The following ZNF184 variants were observed in gnomAD, a reference collection of about 807,000 sequenced individuals.
ZNF184 encodes zinc finger protein 184.
In ZNF184, 16 loss-of-function variants were observed where a neutral mutation model predicts 54.4. The ratio of observed to expected loss-of-function variants is 0.29; its 90% CI spans 0.20 to 0.45. The LOEUF is 0.45. Among genes scored for constraint, ZNF184 ranks in the 20% least tolerant of loss-of-function variants. ZNF184 has a pLI of 1.00. For synonymous variants in ZNF184, 254 were observed against 295.3 expected, an observed-to-expected ratio of 0.86 and a Z score of 1.43; for missense variants, 681 against 888.2, an observed-to-expected ratio of 0.77 and a Z score of 2.97.
chr6:27,451,783 C>T lies in ZNF184; in HGVS notation c.1776G>A (p.Gly592=), dbSNP rs747180995. The change falls in exon 6 of 6, where the codon GGG becomes GGA. Residue 592 remains glycine (G), a synonymous_variant. Transcript: ENST00000683788. ...GGTGTATGTTCTGGTTGAATGCTCT[C>T]CCACACTCATTACACTTGTAAGGTC... ...GERPYKCNEC[G]RAFNQNIHLT... The T allele has an allele frequency of 2.2e-5, 35 of 1,613,826 alleles. No individual in the cohort carries two copies. The highest frequency in any genetic ancestry group is 3.0e-5 in the Non-Finnish European group (35 of 1,179,994).
chr6:27,457,076 C>T (rs569716017), intron 4 of ZNF184, among the ~76,000 whole-genome samples, 155 bp from the exon 5 acceptor site: 5 of 152,102 alleles, frequency 3.3e-5, no homozygotes, highest in African/African-American at 1.2e-4. Context: ...AGTTCCCAGA[C>T]ATGGTGGGAG....
At chr6:27,422,139 TCAAAAAAAAA>T in the ZNF184 span, among the ~76,000 whole-genome samples, 2 of 9,640 alleles carry the variant, frequency 2.1e-4, no homozygotes, top group African/African-American at 2.0e-3. Flanking sequence ...AGGCCGTACC[TCAAAAAAAAA>T]AAGAAAGAAA....
rs752323107 is a variant in ZNF184, at chr6:27,453,042, T to C, written c.517A>G (p.Ser173Gly). The C allele has an allele frequency of 6.2e-7, 1 of 1,614,098 alleles. No individual in the cohort carries two copies. The highest frequency in any genetic ancestry group is 1.7e-5 in the Admixed American group (1 of 60,018). The change falls in exon 6 of 6, where the codon AGT becomes GGT. Residue 173 changes from serine to glycine, a missense_variant. Coordinates refer to ENST00000683788, the MANE Select transcript of ZNF184 (RefSeq NM_001318891.2). The surrounding 1 kb of genome is among the most constrained non-coding windows in gnomAD (Gnocchi z 4.7). Reference sequence around the variant, plus strand: ...TTATTTACAGGGCCTTTTTCCCAACTGGGTATTGTCTTTTCGGTTACCTTT... The same window carrying C: ...TTATTTACAGGGCCTTTTTCCCAACCGGGTATTGTCTTTTCGGTTACCTTT... Reference protein sequence around the residue: ...EIKVTEKTIPSWEKGPVNNEF... With the variant: ...EIKVTEKTIPGWEKGPVNNEF...
the ZNF184 span, among the ~76,000 whole-genome samples, chr6:27,441,203 T>C: frequency 6.6e-6 from 1 of 152,078 alleles, no homozygotes; most frequent in Non-Finnish European, 1.5e-5. Flanking sequence ...CTGAAGCAAG[T>C]CAGAACAGAA....
At chr6:27,441,771 CT>C in the ZNF184 span, among the ~76,000 whole-genome samples, 1 of 152,292 alleles carries the variant, frequency 6.6e-6, no homozygotes, top group African/African-American at 2.4e-5. Context: ...AATTGATAGG[CT>C]GATTCACATT....
the ZNF184 span, among the ~76,000 whole-genome samples, chr6:27,418,782 C>A: frequency 6.6e-6 from 1 of 152,110 alleles, no homozygotes. Context: ...GCTCCACATT[C>A]TCTTCACAGT....
the ZNF184 span, among the ~76,000 whole-genome samples, chr6:27,432,925 C>T: frequency 1.3e-5 from 2 of 152,202 alleles, no homozygotes; most frequent in African/African-American, 4.8e-5. The surrounding 1 kb of genome is among the most constrained non-coding windows in gnomAD (Gnocchi z 4.0). Flanking sequence ...ACCCAGCCAC[C>T]ATAACGTGAG....
the ZNF184 span, among the ~76,000 whole-genome samples, chr6:27,422,148 A>AAAAGAAAGAAAAAG: frequency 2.3e-5 from 1 of 43,456 alleles, no homozygotes; most frequent in Non-Finnish European, 4.3e-5. Flanking sequence ...CTCAAAAAAA[A>AAAAGAAAGAAAAAG]AAAGAAAGAA....
At chr6:27,428,517 T>C in the ZNF184 span, among the ~76,000 whole-genome samples, 1 of 152,232 alleles carries the variant, frequency 6.6e-6, no homozygotes, top group African/African-American at 2.4e-5. This position sits in a 1 kb window ranked among gnomAD's most constrained non-coding sequence, Gnocchi z 4.1. Flanking sequence ...ACATGTCTGC[T>C]GAATCTCTGT....
At chr6:27,437,039 C>G in the ZNF184 span, among the ~76,000 whole-genome samples, 4 of 152,072 alleles carry the variant, frequency 2.6e-5, no homozygotes, top group Admixed American at 2.6e-4. Flanking sequence ...GTTTTTGTGG[C>G]CTGATAAAAT....
chr6:27,424,317 T>G, the ZNF184 span, among the ~76,000 whole-genome samples: 1 of 152,102 alleles, frequency 6.6e-6, no homozygotes, highest in Non-Finnish European at 1.5e-5. Context: ...GCAGCAAGAT[T>G]TATTGCAAAG....
chr6:27,407,119 C>T, the ZNF184 span, among the ~76,000 whole-genome samples: 1 of 152,250 alleles, frequency 6.6e-6, no homozygotes, highest in East Asian at 1.9e-4. Context: ...ATCCCATTCT[C>T]ATTGCCAGTT....
At chr6:27,454,720 G>C (rs1469175347) in intron 5 of ZNF184, among the ~76,000 whole-genome samples, 1 of 152,120 alleles carries the variant, frequency 6.6e-6, no homozygotes, top group East Asian at 1.9e-4. Context: ...AGAATTACTA[G>C]AATATAAGGG....
intron 3 of ZNF184, among the ~76,000 whole-genome samples, chr6:27,466,280 C>G (rs572296662): frequency 6.6e-6 from 1 of 152,292 alleles, no homozygotes; most frequent in African/African-American, 2.4e-5. Context: ...TCCCCTAGAA[C>G]CTTCAGAAGA....
At chr6:27,470,852 T>A (rs2049944) in intron 2 of ZNF184, among the ~76,000 whole-genome samples, 99,007 of 151,778 alleles carry the variant, frequency 0.65, 32,574 homozygotes, top group Middle Eastern at 0.76. Flanking sequence ...ATAAAGAAAA[T>A]ACAAAGGCTT....
rs1422139150 is a variant in ZNF184 at position 27,472,135 on chromosome 6, C to G, written c.7+153G>C. On this transcript the variant is annotated intron_variant, in intron 2 of 5. Coordinates refer to ENST00000683788, the MANE Select transcript of ZNF184 (RefSeq NM_001318891.2). The surrounding 1 kb of genome is among the most constrained non-coding windows in gnomAD (Gnocchi z 4.8). ...AGTATCTCTCTATAAAACAGAATCT[C>G]TCCCTACAATGTAATTCGGTTTCTT... is the stretch of plus-strand genomic sequence containing the variant. 6.6e-6 allele frequency among the ~76,000 whole-genome samples: 1 copy of G among 152,208 alleles called. No individual in the cohort carries two copies. The highest frequency in any genetic ancestry group is 1.5e-5 in the Non-Finnish European group (1 of 68,042).
At chr6:27,447,605 C>T (rs1318125372), downstream of ZNF184, among the ~76,000 whole-genome samples, 3 of 151,958 alleles carry the variant, frequency 2.0e-5, no homozygotes, top group East Asian at 1.9e-4. Flanking sequence ...CCCAGCTACT[C>T]GGGAGGCTGA....
At chr6:27,450,551 C>T (rs1483019838), downstream of ZNF184, among the ~76,000 whole-genome samples, 2 of 152,072 alleles carry the variant, frequency 1.3e-5, no homozygotes, top group Non-Finnish European at 2.9e-5. Flanking sequence ...TGATCTTGGA[C>T]TTCCCAGCCT....
intron 2 of ZNF184, among the ~76,000 whole-genome samples, chr6:27,470,456 C>T (rs1187358918): frequency 6.6e-6 from 1 of 151,996 alleles, no homozygotes; most frequent in Non-Finnish European, 1.5e-5. Flanking sequence ...TGGTGTCATG[C>T]CTCAGAAAGT....
Sources: allele counts gnomAD v4.1 joint callset (sites outside exome capture counted in the v4.1 genomes callset), GRCh38; gene constraint gnomAD v4.1.1; non-coding constraint Gnocchi (gnomAD v3.1); transcripts MANE v1.5; gene names NCBI Gene and HGNC (gene_info 2026-07-23, HGNC 2026-07-21).